The following ANTXR2 variants were observed in gnomAD, a reference collection of about 807,000 sequenced individuals.
ANTXR2 encodes ANTXR cell adhesion molecule 2.
ANTXR2 carries 44 observed loss-of-function variants against 73.7 expected under a neutral mutation model. The ratio of observed to expected loss-of-function variants is 0.60; its 90% CI spans 0.47 to 0.77. The LOEUF (loss-of-function observed/expected upper bound fraction) is 0.77. ANTXR2 is among the 30% of genes least tolerant of loss of function. The pLI, the probability that ANTXR2 is intolerant of heterozygous loss-of-function variation, is 0.00. For synonymous variants in ANTXR2, 217 were observed against 205.9 expected (o/e 1.05, Z -0.46); for missense variants, 604 against 592.5 (o/e 1.02, Z -0.20).
intron 7 of ANTXR2, among the ~76,000 whole-genome samples, chr4:80,049,883 A>G (rs1733695546): frequency 6.6e-6 from 1 of 151,752 alleles, no homozygotes; most frequent in African/African-American, 2.4e-5. Context: ...GACAGCTAAT[A>G]TTTGCCATGT....
intron 16 of ANTXR2, among the ~76,000 whole-genome samples, chr4:79,918,480 A>T (rs868835958): frequency 1.8e-4 from 28 of 152,100 alleles, no homozygotes; most frequent in African/African-American, 6.0e-4. Context: ...ATGAGATATA[A>T]AGAGGGAATG....
intron 16 of ANTXR2, among the ~76,000 whole-genome samples, chr4:79,963,946 G>C (rs1729247370): frequency 6.6e-6 from 1 of 152,160 alleles, no homozygotes; most frequent in South Asian, 2.1e-4. Flanking sequence ...CTATAGGAAT[G>C]AAGTCTTTAT....
chr4:80,072,578 G>T lies in ANTXR2; in HGVS notation c.-18C>A, dbSNP rs990610692. On this transcript the variant is annotated 5_prime_UTR_variant, in exon 1 of 17. Transcript: ENST00000403729. ...GCCACCATCCTGCGGCCGGGGGCCTGAGACTCCCTCCCGCTCGCAGTCCCC... is the reference window on the plus strand; with the variant it reads ...GCCACCATCCTGCGGCCGGGGGCCTTAGACTCCCTCCCGCTCGCAGTCCCC... 2 of 1,511,290 alleles carry T rather than the reference G, an allele frequency of 1.3e-6. No individual in the cohort carries two copies. The highest frequency in any genetic ancestry group is 2.9e-5 in the African/African-American group (2 of 70,126). 93.6% of individuals were successfully genotyped at this position (1,511,290 alleles called of 1,614,324 possible). A position where few individuals can be genotyped will look rare whatever the true frequency, so the allele number is the denominator to read the frequency against.
chr4:80,026,900 G>A (rs1290435603), intron 10 of ANTXR2, among the ~76,000 whole-genome samples: 7 of 151,980 alleles, frequency 4.6e-5, no homozygotes, highest in Admixed American at 2.0e-4. Flanking sequence ...TGCCAGAACC[G>A]TATATAATAC....
At chr4:79,925,382 T>C (rs1007978466) in intron 16 of ANTXR2, among the ~76,000 whole-genome samples, 6 of 151,902 alleles carry the variant, frequency 3.9e-5, no homozygotes, top group African/African-American at 1.2e-4. Flanking sequence ...AAATATCCAA[T>C]TTAACATATG....
intron 10 of ANTXR2, among the ~76,000 whole-genome samples, chr4:80,031,138 A>G (rs1013047055): frequency 2.0e-5 from 3 of 152,016 alleles, no homozygotes; most frequent in Admixed American, 6.6e-5. Context: ...GTTAATACAA[A>G]TGTACAAGTA....
At chr4:80,030,610 A>C (rs1732647469) in intron 10 of ANTXR2, among the ~76,000 whole-genome samples, 2 of 152,066 alleles carry the variant, frequency 1.3e-5, no homozygotes, top group Non-Finnish European at 2.9e-5. Context: ...TTAAAACAGA[A>C]AGCTGATACT....
rs1578203630 is a variant in ANTXR2, at chr4:80,072,789, T to A, written c.-229A>T. The A allele has an allele frequency of 2.9e-6, 3 of 1,037,406 alleles. No homozygotes were observed. Among genetic ancestry groups the A allele is most frequent in the Non-Finnish European group, 3.6e-6 (3 of 824,638 alleles). 64.3% of individuals were successfully genotyped at this position (1,037,406 alleles called of 1,614,324 possible). On this transcript the variant is annotated 5_prime_UTR_variant, in exon 1 of 17. It adds an upstream start codon to the 5' untranslated region. Coordinates refer to ENST00000403729, the MANE Select transcript of ANTXR2 (RefSeq NM_058172.6). ...ACCGCCGCAGCTGCCGCCGGAACTC[T>A]TGACGAATCCCAGTGGAAGCGCGAT...
chr4:79,977,524 A>G, intron 16 of ANTXR2, 97 bp downstream of exon 16: 12 of 1,519,300 alleles, frequency 7.9e-6, no homozygotes, highest in Non-Finnish European at 1.1e-5. Context: ...CCTCAAGTGC[A>G]ATAGGGCTTT....
chr4:80,055,024 C>T (rs1733927092), intron 6 of ANTXR2, 126 bp downstream of exon 6: 5 of 826,084 alleles, frequency 6.1e-6, no homozygotes, highest in Non-Finnish European at 9.5e-6. Flanking sequence ...AACCTACAGC[C>T]ATTTCTATAA....
chr4:79,973,357 A>T (rs1200978132), intron 16 of ANTXR2, among the ~76,000 whole-genome samples: 1 of 135,114 alleles, frequency 7.4e-6, no homozygotes, highest in African/African-American at 2.7e-5. Flanking sequence ...TAGGGAATTT[A>T]TATGGGAGTT....
At chr4:79,926,976 T>TATAC (rs10674130) in intron 16 of ANTXR2, among the ~76,000 whole-genome samples, 33,545 of 80,272 alleles carry the variant, frequency 0.42, 9,011 homozygotes, top group East Asian at 0.54. Flanking sequence ...TGTGTATATA[T>TATAC]ACGTGTGCAT....
chr4:79,991,774 T>TA (rs773729265), intron 12 of ANTXR2, among the ~76,000 whole-genome samples: 2 of 151,816 alleles, frequency 1.3e-5, no homozygotes, highest in African/African-American at 2.4e-5. Context: ...AACAGCTATT[T>TA]AAAAAAAATG....
intron 12 of ANTXR2, among the ~76,000 whole-genome samples, chr4:79,998,748 A>T (rs1730860943): frequency 6.6e-6 from 1 of 152,042 alleles, no homozygotes; most frequent in African/African-American, 2.4e-5. Flanking sequence ...TACTCAATGA[A>T]CAGGATACAG....
intron 11 of ANTXR2, among the ~76,000 whole-genome samples, chr4:80,014,778 C>G (rs1292199284): frequency 6.6e-6 from 1 of 152,086 alleles, no homozygotes; most frequent in Admixed American, 6.5e-5. Flanking sequence ...AGCGGAGAAA[C>G]CTAACATCAG....
At chr4:80,011,214 A>G (rs1731558051) in intron 11 of ANTXR2, among the ~76,000 whole-genome samples, 1 of 152,098 alleles carries the variant, frequency 6.6e-6, no homozygotes, top group Non-Finnish European at 1.5e-5. Context: ...CAGACCTAGT[A>G]TATATATAAG....
At chr4:80,061,527 A>G (rs1413045643) in intron 3 of ANTXR2, among the ~76,000 whole-genome samples, 2 of 152,194 alleles carry the variant, frequency 1.3e-5, no homozygotes, top group South Asian at 2.1e-4. Context: ...GTAGCAATAC[A>G]TAAGGATTTT....
chr4:79,945,019 C>G (rs1278258883), intron 16 of ANTXR2, among the ~76,000 whole-genome samples: 1 of 152,054 alleles, frequency 6.6e-6, no homozygotes, highest in African/African-American at 2.4e-5. Context: ...AATTATTTAA[C>G]TCATGATCTG....
chr4:79,945,711 T>C (rs1256310877), intron 16 of ANTXR2, among the ~76,000 whole-genome samples: 2 of 152,118 alleles, frequency 1.3e-5, no homozygotes, highest in Non-Finnish European at 2.9e-5. Flanking sequence ...ACCTCTGATA[T>C]GATGAGAATG....
Sources: allele counts gnomAD v4.1 joint callset (sites outside exome capture counted in the v4.1 genomes callset), GRCh38; gene constraint gnomAD v4.1.1; transcripts MANE v1.5; gene names NCBI Gene and HGNC (gene_info 2026-07-23, HGNC 2026-07-21).